Variants in ITSN2 observed in about 807,000 individuals in gnomAD.
ITSN2 encodes the protein intersectin-2.
In ITSN2, 156 loss-of-function variants were observed where a neutral mutation model predicts 243.7. The ratio of observed to expected loss-of-function variants is 0.64; its 90% CI spans 0.56 to 0.73. The LOEUF is 0.73. Ranked by LOEUF, ITSN2 falls within the 30% of genes least tolerant of loss-of-function variation. The probability of loss-of-function intolerance (pLI) is 0.00; values close to 1 mark genes in which losing one functional copy is unlikely to be tolerated. For missense variants in ITSN2, 1,801 were observed against 1,996.1 expected (o/e 0.90, Z 1.86); for synonymous variants, 703 against 699.9 (o/e 1.00, Z -0.07).
chr2:24,346,628 T>C (rs982224827), intron 1 of ITSN2, among the ~76,000 whole-genome samples: 13 of 152,294 alleles, frequency 8.5e-5, no homozygotes, highest in Non-Finnish European at 1.8e-4. Context: ...CATACTGATA[T>C]AAGATATTAA....
intron 33 of ITSN2, 45 bp downstream of exon 33, chr2:24,212,605 A>G: frequency 1.3e-6 from 2 of 1,487,786 alleles, no homozygotes; most frequent in Non-Finnish European, 1.8e-6. Context: ...ACCTCAGCGC[A>G]TCCTGCTCCT....
In ITSN2 at chr2:24,208,302, T is replaced by C; in HGVS notation, c.4613A>G (p.Lys1538Arg). The change falls in exon 37 of 40, where the codon AAG becomes AGG. Residue 1538 changes from lysine to arginine, a missense_variant. Around this residue, in one of 5 missense-constraint regions of ITSN2, gnomAD observed 928 missense variants for 1,065.4 expected, o/e 0.87. Coordinates refer to ENST00000355123, the MANE Select transcript of ITSN2 (RefSeq NM_006277.3). ...GTACTGCTCAGACGCCGCCTTGATC[T>C]TCTGCACCCAGGCGGTCCTACGGGA... Reference protein sequence around the residue: ...NINERTAWVQKIKAASEQYID... With the variant: ...NINERTAWVQRIKAASEQYID... 6.2e-7 allele frequency: 1 copy of C among 1,612,434 alleles called. No individual in the cohort carries two copies. The highest frequency in any genetic ancestry group is 8.5e-7 in the Non-Finnish European group (1 of 1,179,856).
At chr2:24,239,420 A>G (rs1672497076) in intron 29 of ITSN2, 1 of 152,078 alleles carries the variant, frequency 6.6e-6, no homozygotes, top group Admixed American at 6.5e-5. Flanking sequence ...TCTTTAAGAT[A>G]AAGTTTTAGA....
At chr2:24,350,629 G>GTA (rs1687936200) in intron 1 of ITSN2, among the ~76,000 whole-genome samples, 1 of 152,168 alleles carries the variant, frequency 6.6e-6, no homozygotes, top group African/African-American at 2.4e-5. Flanking sequence ...ACAAAATGTG[G>GTA]TATATCCATA....
intron 29 of ITSN2, among the ~76,000 whole-genome samples, chr2:24,233,518 C>T (rs1671830193): frequency 6.6e-6 from 1 of 152,128 alleles, no homozygotes; most frequent in Admixed American, 6.5e-5. Flanking sequence ...AGAGCAGCTC[C>T]CAGTTAATGG....
chr2:24,283,005 T>C (rs1300259112), intron 17 of ITSN2, among the ~76,000 whole-genome samples: 1 of 148,988 alleles, frequency 6.7e-6, no homozygotes, highest in African/African-American at 2.5e-5. Flanking sequence ...TTCCTTCAAG[T>C]CTTTCTTAAA....
intron 12 of ITSN2, among the ~76,000 whole-genome samples, chr2:24,299,528 C>T (rs1447957181): frequency 6.6e-6 from 1 of 152,178 alleles, no homozygotes; most frequent in Non-Finnish European, 1.5e-5. Context: ...CAATGCCCAG[C>T]TCTCATCTTT....
Position 24,303,810 on chromosome 2 carries a change from CAGCT to C in ITSN2, c.842_845del (p.Gln281ArgfsTer16). ...AGGGACAAACTTACCAAATAGTAGCCAGCTGAGTTTGAGAAAGATTTGACTGAAG... is the reference window on the plus strand; with the variant it reads ...AGGGACAAACTTACCAAATAGTAGCCGAGTTTGAGAAAGATTTGACTGAAG... On this transcript the variant is annotated frameshift_variant, in exon 9 of 40. Transcript: ENST00000355123. LOFTEE classifies it high-confidence loss of function. 1 of 1,603,012 alleles carries C rather than the reference CAGCT, an allele frequency of 6.2e-7. No individual in the cohort carries two copies. The highest frequency in any genetic ancestry group is 8.5e-7 in the Non-Finnish European group (1 of 1,170,110).
chr2:24,330,270 T>C (rs1685626440), intron 1 of ITSN2: 2 of 361,874 alleles, frequency 5.5e-6, no homozygotes, highest in South Asian at 4.5e-5. Flanking sequence ...ACGTATTCTG[T>C]GAATACAAAA....
rs2151322026 is a variant in ITSN2 at position 24,251,553 on chromosome 2, A to ATGTGTATATATATGTGTATATATG, written c.3120+791_3120+792insCATATATACACATATATATACACA. Among the ~76,000 whole-genome samples, 2 of 1,242 alleles carry ATGTGTATATATATGTGTATATATG rather than the reference A, an allele frequency of 1.6e-3. 1 individual carries two copies. The highest frequency in any genetic ancestry group is 0.03 in the South Asian group (2 of 66). 0.8% of individuals were successfully genotyped at this position (1,242 alleles called of 152,430 possible). ...TATGTGTATATATATGTGTATATAT[A>ATGTGTATATATATGTGTATATATG]TGTGTATATATATGTGTATATATAT... On this transcript the variant is annotated intron_variant, in intron 25 of 39. Coordinates refer to ENST00000355123, the MANE Select transcript of ITSN2 (RefSeq NM_006277.3).
intron 34 of ITSN2, 48 bp downstream of exon 34, chr2:24,210,732 C>T (rs1669401547): frequency 1.9e-6 from 3 of 1,575,754 alleles, no homozygotes; most frequent in Non-Finnish European, 2.6e-6. Flanking sequence ...GCTGGTTCCC[C>T]ACCCAGAGCC....
At chr2:24,217,271 G>C (rs1347922195) in intron 31 of ITSN2, among the ~76,000 whole-genome samples, 3 of 151,998 alleles carry the variant, frequency 2.0e-5, no homozygotes, top group Non-Finnish European at 4.4e-5. Context: ...ATACACTTGG[G>C]TGTTTCAAGG....
rs572926274 is a variant in ITSN2, at chr2:24,262,388, C to T, written c.2356-646G>A. 9.9e-4 allele frequency among the ~76,000 whole-genome samples: 150 copies of T among 151,978 alleles called. 1 individual carries two copies. Among genetic ancestry groups the T allele is most frequent in the African/African-American group, 3.5e-3 (146 of 41,466 alleles). On this transcript the variant is annotated intron_variant, in intron 20 of 39. Coordinates refer to ENST00000355123, the MANE Select transcript of ITSN2 (RefSeq NM_006277.3). ...TGTTTTTGGCTTACTTTTTTCTGTT[C>T]CTGTTACACAGTTTTTTTGAACTCT...
intron 34 of ITSN2, chr2:24,210,250 G>C (rs974444618): frequency 1.8e-5 from 10 of 540,568 alleles, no homozygotes; most frequent in Non-Finnish European, 3.0e-5. Context: ...ACAGAACACT[G>C]ATTCTACCAG....
At position 24,301,218 on chromosome 2, in the gene ITSN2, G is replaced by A. The variant is rs1265036744; in HGVS notation, c.1017C>T (p.Ser339=). 6 of 1,606,908 alleles carry A rather than the reference G, an allele frequency of 3.7e-6. No individual in the cohort carries two copies. The Admixed American group carries it at 1.0e-4, about 27-fold the overall frequency. Residue 339 remains serine (S), a synonymous_variant, in exon 11 of 40, where the codon TCC becomes TCT. Coordinates refer to ENST00000355123, the MANE Select transcript of ITSN2 (RefSeq NM_006277.3). ...GATATGAAGGCAGAGTTCCATTAATGGAATCAATTTGCTTTCCTCCTCTAA... is the reference window on the plus strand; with the variant it reads ...GATATGAAGGCAGAGTTCCATTAATAGAATCAATTTGCTTTCCTCCTCTAA... The part of the protein sequence containing the change: ...PSFRGGKQID[S]INGTLPSYQK...
Position 24,284,763 on chromosome 2 carries a change from C to A in ITSN2, c.1944G>T (p.Lys648Asn). 1 of 1,568,292 alleles carries A rather than the reference C, an allele frequency of 6.4e-7. No individual in the cohort carries two copies. Among genetic ancestry groups the A allele is most frequent in the Non-Finnish European group, 8.8e-7 (1 of 1,140,290 alleles). ...SCLNNLFLLL[K>N]ELRETYNTQQ... ...AAGAAGCTAGATATTAGAAAATAAC[C>A]TTAAGTAAGAGGAAGAGGTTGTTGA... The change falls in exon 17 of 40, where the codon AAG becomes AAT. Residue 648 changes from lysine to asparagine, a missense_variant and splice_region_variant. Transcript: ENST00000355123.
chr2:24,257,463 CTTTTTTT>C (rs753142480), intron 23 of ITSN2, among the ~76,000 whole-genome samples: 1 of 145,906 alleles, frequency 6.9e-6, no homozygotes, highest in Non-Finnish European at 1.5e-5. Context: ...TTTCTTTTTT[CTTTTTTT>C]TTTTAATACG....
intron 1 of ITSN2, among the ~76,000 whole-genome samples, chr2:24,347,954 T>C (rs1355051103): frequency 6.6e-6 from 1 of 151,984 alleles, no homozygotes; most frequent in Non-Finnish European, 1.5e-5. Flanking sequence ...TGTGCATCTA[T>C]AGTCCTAGCT....
intron 20 of ITSN2, among the ~76,000 whole-genome samples, chr2:24,270,172 T>C (rs1161920382): frequency 6.6e-6 from 1 of 152,216 alleles, no homozygotes; most frequent in Non-Finnish European, 1.5e-5. Context: ...TCCAAGTTTG[T>C]GTGCTTCTAA....
Sources: gnomAD v4.1 joint callset for allele counts (sites outside exome capture counted in the v4.1 genomes callset) on GRCh38, gnomAD v4.1.1 for gene constraint, gnomAD v4.1.1 regional missense constraint, MANE v1.5 for transcripts, NCBI Gene and HGNC (gene_info 2026-07-23, HGNC 2026-07-21) for gene names.